INTS4: variants seen among roughly 807,000 people sequenced by gnomAD.
INTS4 encodes MSTP093.
In INTS4, 70 loss-of-function variants were observed where a neutral mutation model predicts 119.5. That is an observed-to-expected ratio of 0.59 (90% confidence interval 0.48 to 0.71). INTS4 has a LOEUF of 0.71. Among genes scored for constraint, INTS4 ranks in the 30% least tolerant of loss-of-function variants. The probability of loss-of-function intolerance (pLI) is 0.00; values close to 1 mark genes in which losing one functional copy is unlikely to be tolerated. For missense variants in INTS4, 867 were observed against 1,173.2 expected, an observed-to-expected ratio of 0.74 and a Z score of 3.81; for synonymous variants, 316 against 419.6, an observed-to-expected ratio of 0.75 and a Z score of 3.02.
At chr11:77,949,918 G>A (rs1007655422) in intron 8 of INTS4, among the ~76,000 whole-genome samples, 51 of 152,092 alleles carry the variant, frequency 3.4e-4, no homozygotes, top group African/African-American at 9.2e-4. Context: ...ACATGCACAC[G>A]TATGTTTATT....
At chr11:77,912,024 T>C (rs1953098267) in intron 15 of INTS4, among the ~76,000 whole-genome samples, 1 of 152,150 alleles carries the variant, frequency 6.6e-6, no homozygotes, top group Non-Finnish European at 1.5e-5. Flanking sequence ...TCTTTTCATT[T>C]ATTTATTAAT....
chr11:77,878,520 A>G (rs570736728), downstream of INTS4, among the ~76,000 whole-genome samples: 1 of 152,160 alleles, frequency 6.6e-6, no homozygotes, highest in South Asian at 2.1e-4. Context: ...AAAAAAAAGT[A>G]CAGCTGTTAA....
Position 77,960,322 on chromosome 11 carries a change from C to T in INTS4, c.708+19G>A. The stretch of plus-strand genomic sequence containing the variant: ...CATGATACCTCCAACCCCTTCCAGA[C>T]AGTAATCATATAAGGTACCTGATTA... On this transcript the variant is annotated intron_variant, in intron 6 of 22. Coordinates refer to ENST00000534064, the MANE Select transcript of INTS4 (RefSeq NM_033547.4). 1.3e-6 allele frequency: 2 copies of T among 1,578,190 alleles called. No individual in the cohort carries two copies. Among genetic ancestry groups the T allele is most frequent in the African/African-American group, 2.7e-5 (2 of 74,046 alleles).
At chr11:77,993,717 C>T (rs1856789715) in intron 1 of INTS4, among the ~76,000 whole-genome samples, 1 of 152,120 alleles carries the variant, frequency 6.6e-6, no homozygotes, top group Admixed American at 6.5e-5. Flanking sequence ...CTGCTGGATG[C>T]TCTAAGCCTT....
At chr11:77,930,913 A>C (rs1051333441) in intron 10 of INTS4, among the ~76,000 whole-genome samples, 3 of 152,240 alleles carry the variant, frequency 2.0e-5, no homozygotes, top group Admixed American at 6.5e-5. Context: ...ATTTTTAAAA[A>C]GACTGATTCT....
At chr11:77,975,493 C>CA (rs548063823) in intron 4 of INTS4, among the ~76,000 whole-genome samples, 192 of 135,374 alleles carry the variant, frequency 1.4e-3, no homozygotes, top group East Asian at 3.8e-3. Context: ...ATCTCAATTA[C>CA]AAAAAAAAAA....
At chr11:77,896,632 T>C (rs1952531720) in intron 18 of INTS4, among the ~76,000 whole-genome samples, 1 of 133,656 alleles carries the variant, frequency 7.5e-6, no homozygotes, top group Non-Finnish European at 1.6e-5. Context: ...AGCCTGGGCA[T>C]CAAGAGCAAA....
At chr11:77,919,580 C>T (rs1348217635) in intron 14 of INTS4, among the ~76,000 whole-genome samples, 2 of 152,196 alleles carry the variant, frequency 1.3e-5, no homozygotes, top group African/African-American at 4.8e-5. Context: ...GCCACTGCAC[C>T]CGGCCACATT....
chr11:77,889,238 T>C (rs1591010299), intron 21 of INTS4, among the ~76,000 whole-genome samples: 2 of 152,108 alleles, frequency 1.3e-5, no homozygotes, highest in South Asian at 2.1e-4. Context: ...TGGAATACTA[T>C]GCAGCCATAA....
At chr11:77,970,890 C>A (rs1855702931) in intron 4 of INTS4, among the ~76,000 whole-genome samples, 1 of 152,136 alleles carries the variant, frequency 6.6e-6, no homozygotes, top group African/African-American at 2.4e-5. Context: ...TGGCTCACTG[C>A]AACCTCCACC....
chr11:77,975,943 G>A (rs1405538938), intron 4 of INTS4, among the ~76,000 whole-genome samples: 15 of 146,154 alleles, frequency 1.0e-4, no homozygotes, highest in African/African-American at 2.5e-4. Context: ...GTGACAGAGC[G>A]AGACTCTATC....
chr11:77,900,314 T>C (rs1952730420), intron 18 of INTS4, among the ~76,000 whole-genome samples: 1 of 152,144 alleles, frequency 6.6e-6, no homozygotes, highest in Admixed American at 6.5e-5. Context: ...TTAGCCAGGA[T>C]GCTCTTGATC....
At chr11:77,915,271 G>A (rs1953179678) in intron 15 of INTS4, 1 of 152,408 alleles carries the variant, frequency 6.6e-6, no homozygotes, top group Non-Finnish European at 1.5e-5. Context: ...CCTGTGCTAG[G>A]TAGGGACTTT....
intron 4 of INTS4, chr11:77,963,365 A>AAAAAAAAAAC: frequency 2.5e-6 from 1 of 393,338 alleles, no homozygotes; most frequent in South Asian, 1.8e-5. Context: ...AAAAAAAAAA[A>AAAAAAAAAAC]AAAAAAAAAC....
chr11:77,989,596 TA>T (rs1222556818), intron 2 of INTS4, among the ~76,000 whole-genome samples: 1 of 151,986 alleles, frequency 6.6e-6, no homozygotes, highest in Non-Finnish European at 1.5e-5. Context: ...TCCATAAGCT[TA>T]ACAATTTGGG....
intron 15 of INTS4, among the ~76,000 whole-genome samples, chr11:77,908,563 G>A (rs1292339673): frequency 1.3e-5 from 2 of 152,082 alleles, no homozygotes; most frequent in Non-Finnish European, 2.9e-5. Context: ...TCCTGACCTC[G>A]TGATCTGCCT....
At chr11:77,911,717 C>T (rs1953091730) in intron 15 of INTS4, among the ~76,000 whole-genome samples, 1 of 152,226 alleles carries the variant, frequency 6.6e-6, no homozygotes, top group East Asian at 1.9e-4. Flanking sequence ...AAGCCTCAGT[C>T]TAGACATCCA....
chr11:77,899,175 G>T (rs1443468904), intron 18 of INTS4, among the ~76,000 whole-genome samples: 2 of 152,110 alleles, frequency 1.3e-5, no homozygotes, highest in Non-Finnish European at 2.9e-5. Context: ...TTGTCCAAGG[G>T]TTACTCAGTT....
intron 10 of INTS4, among the ~76,000 whole-genome samples, chr11:77,935,764 TGTC>T (rs1441455498): frequency 1.3e-5 from 2 of 151,796 alleles, no homozygotes; most frequent in Admixed American, 1.3e-4. Flanking sequence ...GGTGTGGTGG[TGTC>T]CACCTGTGGT....
Sources: allele counts gnomAD v4.1 joint callset (sites outside exome capture counted in the v4.1 genomes callset), GRCh38; gene constraint gnomAD v4.1.1; transcripts MANE v1.5; gene names NCBI Gene and HGNC (gene_info 2026-07-23, HGNC 2026-07-21).